The following TMEM178B variants were observed in gnomAD, a reference collection of about 807,000 sequenced individuals.
TMEM178B encodes the protein transmembrane protein 178B.
In TMEM178B, 5 loss-of-function variants were observed where a neutral mutation model predicts 31.0. The observed-to-expected ratio is 0.16, with a 90% CI of 0.08 to 0.34. The LOEUF (loss-of-function observed/expected upper bound fraction) is 0.34, where lower values mean the gene tolerates loss of function less well. Among genes scored for constraint, TMEM178B ranks in the 10% least tolerant of loss-of-function variants. The probability of loss-of-function intolerance (pLI) is 1.00; values close to 1 mark genes in which losing one functional copy is unlikely to be tolerated. For missense variants in TMEM178B, 275 were observed against 400.3 expected, an observed-to-expected ratio of 0.69 and a Z score of 2.67; for synonymous variants, 164 against 164.0, an observed-to-expected ratio of 1.00 and a Z score of 0.00.
At chr7:141,245,262 G>A (rs2129194326) in intron 2 of TMEM178B, among the ~76,000 whole-genome samples, 1 of 147,794 alleles carries the variant, frequency 6.8e-6, no homozygotes, top group African/African-American at 2.5e-5. Context: ...CATGTTAAGG[G>A]GCCCAGGAGT....
rs760454572 is a variant in TMEM178B at position 141,444,667 on chromosome 7, G to A, written c.634+6922G>A. ...AGACCAACCAGTTCCACTTCCTTGC[G>A]TCACCAGGTAAAAGTAGTCATGTCA... On this transcript the variant is annotated intron_variant, in intron 3 of 3. Coordinates refer to ENST00000565468, the MANE Select transcript of TMEM178B (RefSeq NM_001195278.2). Among the ~76,000 whole-genome samples, 9 of 152,212 alleles carry A rather than the reference G, an allele frequency of 5.9e-5. No homozygotes were observed. The South Asian group carries it at 1.2e-3, about 21-fold the overall frequency.
the TMEM178B span, among the ~76,000 whole-genome samples, chr7:141,491,249 A>T: frequency 6.6e-6 from 1 of 151,844 alleles, no homozygotes; most frequent in Admixed American, 6.6e-5. Flanking sequence ...TCCAGGCTGG[A>T]CTCAAACTCC....
chr7:141,303,143 G>A (rs531617103), intron 2 of TMEM178B, among the ~76,000 whole-genome samples: 5 of 152,226 alleles, frequency 3.3e-5, no homozygotes, highest in South Asian at 2.1e-4. Context: ...CCTGCCAGGC[G>A]TTCTTTGGAT....
At chr7:141,280,844 G>A (rs1418461544) in intron 2 of TMEM178B, among the ~76,000 whole-genome samples, 1 of 152,180 alleles carries the variant, frequency 6.6e-6, no homozygotes, top group East Asian at 1.9e-4. Flanking sequence ...TGGCCTGCTG[G>A]CCACAGTTGG....
chr7:141,138,213 C>A (rs189577087), intron 1 of TMEM178B, among the ~76,000 whole-genome samples: 1 of 152,084 alleles, frequency 6.6e-6, no homozygotes, highest in Non-Finnish European at 1.5e-5. Context: ...AGGCACCCAC[C>A]ACCATGCCTG....
intron 2 of TMEM178B, among the ~76,000 whole-genome samples, chr7:141,390,663 A>G (rs1197916706): frequency 6.6e-6 from 1 of 152,250 alleles, no homozygotes; most frequent in African/African-American, 2.4e-5. Flanking sequence ...ACATGTGATT[A>G]GACATTTTAG....
intron 2 of TMEM178B, among the ~76,000 whole-genome samples, chr7:141,418,209 C>T (rs1029492040): frequency 1.3e-5 from 2 of 152,182 alleles, no homozygotes; most frequent in African/African-American, 4.8e-5. Flanking sequence ...CATCCACACT[C>T]ACTGCTGCTC....
chr7:141,170,642 C>T (rs1395975966), intron 1 of TMEM178B, among the ~76,000 whole-genome samples: 1 of 152,130 alleles, frequency 6.6e-6, no homozygotes, highest in African/African-American at 2.4e-5. Flanking sequence ...TCCAAATGAC[C>T]CTTCCCAGAA....
At chr7:141,447,836 A>G (rs868797726) in intron 3 of TMEM178B, among the ~76,000 whole-genome samples, 2 of 152,044 alleles carry the variant, frequency 1.3e-5, no homozygotes, top group African/African-American at 4.8e-5. Flanking sequence ...AAAACCCAGG[A>G]TGTCTCGTTC....
In TMEM178B at chr7:141,334,281, T is replaced by C. The variant is rs1365881518; in HGVS notation, c.497-103327T>C. Among the ~76,000 whole-genome samples, 4 of 152,316 alleles carry C rather than the reference T, an allele frequency of 2.6e-5. No individual in the cohort carries two copies. In the East Asian group the frequency reaches 7.7e-4, roughly 29 times the overall value. ...TCAGCAATTCATGAGTAGGTGTCCT[T>C]GGGTAAGTTACATAATGTATGTGGG... is the stretch of plus-strand genomic sequence containing the variant. On this transcript the variant is annotated intron_variant, in intron 2 of 3. Transcript: ENST00000565468.
chr7:141,377,140 A>G (rs1350101567), intron 2 of TMEM178B, among the ~76,000 whole-genome samples: 4 of 151,178 alleles, frequency 2.6e-5, no homozygotes, highest in Non-Finnish European at 5.9e-5. Context: ...ATTTTCTGTA[A>G]TCCATGGGGG....
chr7:141,149,582 G>A (rs1414427703), intron 1 of TMEM178B, among the ~76,000 whole-genome samples: 1 of 152,174 alleles, frequency 6.6e-6, no homozygotes, highest in African/African-American at 2.4e-5. Context: ...ACAGATGTAA[G>A]TTAAGATGAG....
intron 2 of TMEM178B, among the ~76,000 whole-genome samples, chr7:141,377,905 A>C (rs574515927): frequency 3.3e-5 from 5 of 152,290 alleles, no homozygotes; most frequent in African/African-American, 1.2e-4. Context: ...ATATTATATA[A>C]CTACAATACA....
chr7:141,257,790 C>T (rs1401129981), intron 2 of TMEM178B, among the ~76,000 whole-genome samples: 1 of 151,870 alleles, frequency 6.6e-6, no homozygotes, highest in African/African-American at 2.4e-5. Flanking sequence ...GATGGACAGT[C>T]TCTGCCTTTT....
At chr7:141,299,677 G>A (rs1027275079) in intron 2 of TMEM178B, among the ~76,000 whole-genome samples, 4 of 152,180 alleles carry the variant, frequency 2.6e-5, no homozygotes, top group Non-Finnish European at 4.4e-5. Flanking sequence ...GTAGAGGAGA[G>A]GAAATGAAGG....
chr7:141,379,999 T>C (rs1391993701), intron 2 of TMEM178B, among the ~76,000 whole-genome samples: 2 of 152,246 alleles, frequency 1.3e-5, no homozygotes, highest in Non-Finnish European at 2.9e-5. Context: ...GCTTTTTCTG[T>C]CCATCTTTTC....
intron 1 of TMEM178B, among the ~76,000 whole-genome samples, chr7:141,204,243 T>C (rs964119991): frequency 2.5e-4 from 38 of 152,306 alleles, no homozygotes; most frequent in East Asian, 7.7e-4. Flanking sequence ...CAGTGACTAC[T>C]GTGAGCGTCA....
intron 2 of TMEM178B, among the ~76,000 whole-genome samples, chr7:141,388,376 G>A (rs970525339): frequency 6.6e-6 from 1 of 152,166 alleles, no homozygotes; most frequent in Non-Finnish European, 1.5e-5. Flanking sequence ...TAATAATACC[G>A]CCTGTTTTGC....
At chr7:141,237,400 C>T (rs1268776157) in intron 2 of TMEM178B, among the ~76,000 whole-genome samples, 1 of 151,990 alleles carries the variant, frequency 6.6e-6, no homozygotes, top group African/African-American at 2.4e-5. Context: ...GTAGAGTGTG[C>T]TATAACCATT....
Sources: allele counts gnomAD v4.1 joint callset (sites outside exome capture counted in the v4.1 genomes callset), GRCh38; gene constraint gnomAD v4.1.1; transcripts MANE v1.5; gene names NCBI Gene and HGNC (gene_info 2026-07-23, HGNC 2026-07-21).